RAB21: variants seen among roughly 807,000 people sequenced by gnomAD.
RAB21 encodes the protein ras-related protein Rab-21.
RAB21 carries 13 observed loss-of-function variants against 33.1 expected under a neutral mutation model. The ratio of observed to expected loss-of-function variants is 0.39; its 90% confidence interval spans 0.26 to 0.62. RAB21 has a LOEUF of 0.62. Ranked by LOEUF, RAB21 falls within the 20% of genes least tolerant of loss-of-function variation. The pLI, the probability that RAB21 is intolerant of heterozygous loss-of-function variation, is 0.48. For missense variants in RAB21, 234 were observed against 279.1 expected, an observed-to-expected ratio of 0.84 and a Z score of 1.15; for synonymous variants, 91 against 103.7, an observed-to-expected ratio of 0.88 and a Z score of 0.74.
chr12:71,789,787 A>T lies in RAB21; in HGVS notation c.*4114A>T, dbSNP rs1343863991. On this transcript the variant is annotated 3_prime_UTR_variant, in exon 7 of 7. Transcript: ENST00000261263. ...GTTCTGTTATCTGTAATCAACTATAACAGAGTAATATATTTGGTGTTCTGG... is the reference window on the plus strand; with the variant it reads ...GTTCTGTTATCTGTAATCAACTATATCAGAGTAATATATTTGGTGTTCTGG... The T allele has an allele frequency of 3.3e-5, 5 of 152,162 alleles. No individual in the cohort carries two copies. The highest frequency in any genetic ancestry group is 6.6e-5 in the Admixed American group (1 of 15,264). 9.4% of individuals were successfully genotyped at this position (152,162 alleles called of 1,614,324 possible). A position where few individuals can be genotyped will look rare whatever the true frequency, so the allele number is the denominator to read the frequency against.
At chr12:71,761,667 G>C (rs1185309538) in intron 1 of RAB21, among the ~76,000 whole-genome samples, 2 of 152,050 alleles carry the variant, frequency 1.3e-5, no homozygotes, top group Non-Finnish European at 2.9e-5. Flanking sequence ...AACAGAGCAA[G>C]ACTCCATCTC....
At position 71,788,763 on chromosome 12, in the gene RAB21, A is replaced by T. The variant is rs533633033; in HGVS notation, c.*3090A>T. 6.6e-6 allele frequency: 1 copy of T among 152,142 alleles called. No homozygotes were observed. The highest frequency in any genetic ancestry group is 2.4e-5 in the African/African-American group (1 of 41,444). The allele number at this position is 152,142 out of a possible 1,614,324, so 9.4% of individuals were successfully genotyped here. On this transcript the variant is annotated 3_prime_UTR_variant, in exon 7 of 7. Coordinates refer to ENST00000261263, the MANE Select transcript of RAB21 (RefSeq NM_014999.4). ...TTAAAAATACCTGAATATTATGTTAAAAGTATACAATCATTGTTTCTGTAA... is the reference window on the plus strand; with the variant it reads ...TTAAAAATACCTGAATATTATGTTATAAGTATACAATCATTGTTTCTGTAA...
chr12:71,780,290 C>G (rs10879336), intron 4 of RAB21, among the ~76,000 whole-genome samples: 23,745 of 152,002 alleles, frequency 0.16, 2,322 homozygotes, highest in East Asian at 0.32. Flanking sequence ...AAAAAAATTC[C>G]ATAGGGTTTT....
intron 4 of RAB21, among the ~76,000 whole-genome samples, chr12:71,776,805 C>G (rs1286366354): frequency 6.6e-6 from 1 of 151,886 alleles, no homozygotes; most frequent in African/African-American, 2.4e-5. Flanking sequence ...TATTTTGGGC[C>G]TCGTTACAGA....
At position 71,793,745 on chromosome 12, in the gene RAB21, A is replaced by C. The variant is rs372082508; in HGVS notation, c.*8072A>C. On this transcript the variant is annotated 3_prime_UTR_variant, in exon 7 of 7. Coordinates refer to ENST00000261263, the MANE Select transcript of RAB21 (RefSeq NM_014999.4). ...AGAAATTTATTTATGCGAAAGACAT[A>C]ATTTTGGGTGAACTTTCTTGAAGAT... is the stretch of plus-strand genomic sequence containing the variant. 11 of 152,340 alleles carry C rather than the reference A, an allele frequency of 7.2e-5. No homozygotes were observed. The East Asian group carries it at 2.1e-3, about 29-fold the overall frequency. The allele number at this position is 152,340 out of a possible 1,614,324, so 9.4% of individuals were successfully genotyped here. A position where few individuals can be genotyped will look rare whatever the true frequency, so the allele number is the denominator to read the frequency against.
At chr12:71,766,676 G>C (rs1427828683) in intron 1 of RAB21, among the ~76,000 whole-genome samples, 1 of 152,074 alleles carries the variant, frequency 6.6e-6, no homozygotes, top group African/African-American at 2.4e-5. Context: ...CTTCAGGCTA[G>C]AAAAATTTGT....
chr12:71,761,405 A>G (rs187284294), intron 1 of RAB21, among the ~76,000 whole-genome samples: 80 of 152,230 alleles, frequency 5.3e-4, no homozygotes, highest in African/African-American at 1.8e-3. Context: ...AGGGCCGGGC[A>G]TGGTGGCTCA....
At chr12:71,776,312 A>G (rs913630975) in intron 4 of RAB21, among the ~76,000 whole-genome samples, 10 of 152,046 alleles carry the variant, frequency 6.6e-5, no homozygotes, top group Non-Finnish European at 1.5e-4. Flanking sequence ...GTTTTTTTTT[A>G]ATGTTCAATG....
chr12:71,756,086 G>A (rs1193738660), intron 1 of RAB21, among the ~76,000 whole-genome samples: 1 of 152,168 alleles, frequency 6.6e-6, no homozygotes, highest in African/African-American at 2.4e-5. Flanking sequence ...CTCTCCCAGA[G>A]AAATCAGTTT....
intron 1 of RAB21, 28 bp from the exon 2 acceptor site, chr12:71,769,772 A>G: frequency 4.3e-6 from 5 of 1,168,918 alleles, no homozygotes; most frequent in Non-Finnish European, 5.9e-6. Context: ...TATAAGAAAC[A>G]TTGTTTAATG....
intron 4 of RAB21, among the ~76,000 whole-genome samples, chr12:71,779,816 T>C (rs1371838114): frequency 6.6e-6 from 1 of 152,232 alleles, no homozygotes; most frequent in Non-Finnish European, 1.5e-5. Context: ...TTCAGGTGTT[T>C]TAAGCCTATC....
intron 1 of RAB21, among the ~76,000 whole-genome samples, chr12:71,763,138 A>G (rs1372619856): frequency 3.4e-5 from 5 of 149,146 alleles, no homozygotes; most frequent in East Asian, 2.0e-4. Flanking sequence ...CAATCTTACT[A>G]TCTTACTCAT....
At chr12:71,778,832 C>T (rs1394135096) in intron 4 of RAB21, among the ~76,000 whole-genome samples, 1 of 152,090 alleles carries the variant, frequency 6.6e-6, no homozygotes, top group African/African-American at 2.4e-5. Context: ...CTAGATGAAG[C>T]CAGTAGGATG....
At chr12:71,761,931 G>A (rs1169926280) in intron 1 of RAB21, among the ~76,000 whole-genome samples, 5 of 152,024 alleles carry the variant, frequency 3.3e-5, no homozygotes, top group Non-Finnish European at 7.4e-5. Context: ...TATTTTGAGT[G>A]TTCAAAGTAT....
rs1883325965 is a variant in RAB21 at position 71,788,328 on chromosome 12, CTG to C, written c.*2659_*2660del. On this transcript the variant is annotated 3_prime_UTR_variant, in exon 7 of 7. Transcript: ENST00000261263. The stretch of plus-strand genomic sequence containing the variant: ...TTTTTTCTTTTTTCTCCTTTGGTTT[CTG>C]TGTTATCTTTCTTAACCTCACGTAT... 6.6e-6 allele frequency: 1 copy of C among 151,134 alleles called. No individual in the cohort carries two copies. The highest frequency in any genetic ancestry group is 3.2e-3 in the Middle Eastern group (1 of 314). The allele number at this position is 151,134 out of a possible 1,614,324, so 9.4% of individuals were successfully genotyped here. A position where few individuals can be genotyped will look rare whatever the true frequency, so the allele number is the denominator to read the frequency against.
rs1883355735 is a variant in RAB21 at position 71,789,974 on chromosome 12, T to A, written c.*4301T>A. The A allele has an allele frequency of 6.6e-6, 1 of 152,176 alleles. No homozygotes were observed. The highest frequency in any genetic ancestry group is 6.5e-5 in the Admixed American group (1 of 15,274). The allele number at this position is 152,176 out of a possible 1,614,324, so 9.4% of individuals were successfully genotyped here. ...AGTTTTCAATTTCAAGCAGAAATGC[T>A]TCTCTTCTAAATAAATACCACTTAA... On this transcript the variant is annotated 3_prime_UTR_variant, in exon 7 of 7. Transcript: ENST00000261263.
chr12:71,759,120 T>C (rs1275482003), intron 1 of RAB21, among the ~76,000 whole-genome samples: 2 of 152,264 alleles, frequency 1.3e-5, no homozygotes, highest in Non-Finnish European at 2.9e-5. Context: ...GTTTCTAATA[T>C]ACTTGACCCA....
intron 5 of RAB21, 95 bp downstream of exon 5, chr12:71,782,180 C>G (rs1592650031): frequency 1.7e-6 from 2 of 1,180,866 alleles, no homozygotes; most frequent in East Asian, 4.7e-5. Context: ...ACTCAAATCT[C>G]TTAGCATGGA....
chr12:71,783,462 A>G (rs911084803), intron 6 of RAB21, among the ~76,000 whole-genome samples: 3 of 148,382 alleles, frequency 2.0e-5, no homozygotes, highest in African/African-American at 7.6e-5. Context: ...GTGTGTGTGT[A>G]CACACACACA....
Sources: gnomAD v4.1 joint callset for allele counts (sites outside exome capture counted in the v4.1 genomes callset) on GRCh38, gnomAD v4.1.1 for gene constraint, MANE v1.5 for transcripts, NCBI Gene and HGNC (gene_info 2026-07-23, HGNC 2026-07-21) for gene names.